The following PAPSS1 variants were observed in gnomAD, a reference collection of about 807,000 sequenced individuals.
PAPSS1 encodes the protein 3'-phosphoadenosine 5'-phosphosulfate synthase 1.
PAPSS1 carries 50 observed loss-of-function variants against 72.0 expected under a neutral mutation model. The observed-to-expected ratio is 0.69, with a 90% CI of 0.55 to 0.88. The LOEUF (loss-of-function observed/expected upper bound fraction) is 0.88, where lower values mean the gene tolerates loss of function less well. PAPSS1 is among the 40% of genes least tolerant of loss of function. PAPSS1 has a pLI of 0.00. For missense variants in PAPSS1, 657 were observed against 782.2 expected (o/e 0.84, Z 1.91); for synonymous variants, 261 against 263.6 (o/e 0.99, Z 0.09).
At position 107,655,043 on chromosome 4, in the gene PAPSS1, C is replaced by A; in HGVS notation, c.896-143G>T. 4 of 470,968 alleles carry A rather than the reference C, an allele frequency of 8.5e-6. No homozygotes were observed. In the South Asian group the frequency reaches 8.7e-5, roughly 10 times the overall value. The allele number at this position is 470,968 out of a possible 1,614,324, so 29.2% of individuals were successfully genotyped here. On this transcript the variant is annotated intron_variant, in intron 7 of 11. Transcript: ENST00000265174. ...GACAGTATTCAACTGGTACCTGGCA[C>A]AGAAAAACGAAAGACAGAACAAGCT... is the stretch of plus-strand genomic sequence containing the variant.
At chr4:107,685,828 A>C (rs1722769122) in intron 4 of PAPSS1, among the ~76,000 whole-genome samples, 1 of 152,214 alleles carries the variant, frequency 6.6e-6, no homozygotes, top group South Asian at 2.1e-4. Context: ...TTTCAGGGCC[A>C]GAAACTGAAT....
intron 1 of PAPSS1, among the ~76,000 whole-genome samples, chr4:107,708,214 C>A (rs977038294): frequency 1.3e-5 from 2 of 152,070 alleles, no homozygotes; most frequent in Non-Finnish European, 2.9e-5. Context: ...CATTTCTTTT[C>A]AATAAACTGA....
intron 10 of PAPSS1, among the ~76,000 whole-genome samples, chr4:107,632,564 C>G (rs1413146521): frequency 3.3e-5 from 5 of 151,278 alleles, no homozygotes; most frequent in Non-Finnish European, 1.5e-5. Context: ...CCAAAACTAG[C>G]CTTGAAGCCT....
At chr4:107,685,548 T>A (rs1429670417) in intron 4 of PAPSS1, among the ~76,000 whole-genome samples, 1 of 152,092 alleles carries the variant, frequency 6.6e-6, no homozygotes, top group Non-Finnish European at 1.5e-5. Flanking sequence ...GCTAAACAGG[T>A]TTTCCTCCAA....
chr4:107,716,991 C>T (rs1723655005), intron 1 of PAPSS1, among the ~76,000 whole-genome samples: 2 of 151,966 alleles, frequency 1.3e-5, no homozygotes, highest in Admixed American at 6.6e-5. Flanking sequence ...TACTTCCAAC[C>T]TCAGCACAAC....
chr4:107,671,894 G>A (rs1394013626), intron 5 of PAPSS1, among the ~76,000 whole-genome samples: 1 of 151,950 alleles, frequency 6.6e-6, no homozygotes, highest in Non-Finnish European at 1.5e-5. Flanking sequence ...ATGGTTGTTT[G>A]TATCCACAAA....
At chr4:107,648,482 C>G (rs981182591) in intron 9 of PAPSS1, among the ~76,000 whole-genome samples, 5 of 152,188 alleles carry the variant, frequency 3.3e-5, no homozygotes, top group African/African-American at 1.2e-4. Context: ...CCTCAGACTT[C>G]CCAGAACTGT....
chr4:107,675,552 C>T (rs1288352338), intron 5 of PAPSS1, among the ~76,000 whole-genome samples: 2 of 152,026 alleles, frequency 1.3e-5, no homozygotes, highest in Non-Finnish European at 2.9e-5. Context: ...AATAACTTAC[C>T]AACCAAAAAA....
intron 3 of PAPSS1, among the ~76,000 whole-genome samples, chr4:107,692,461 CTGT>C (rs1722952523): frequency 6.6e-6 from 1 of 152,108 alleles, no homozygotes; most frequent in African/African-American, 2.4e-5. Context: ...GTCAGAATGG[CTGT>C]TATTAGAAAA....
At chr4:107,669,075 C>T (rs947831359) in intron 5 of PAPSS1, among the ~76,000 whole-genome samples, 1 of 152,136 alleles carries the variant, frequency 6.6e-6, no homozygotes, top group Admixed American at 6.6e-5. Context: ...TATGTGTCCT[C>T]CCATAGCCCA....
chr4:107,645,212 AAAAAAAAAAAGTACTGC>A (rs906612225), intron 9 of PAPSS1, 142 bp from the exon 10 acceptor site: 2 of 551,844 alleles, frequency 3.6e-6, no homozygotes, highest in African/African-American at 3.9e-5. Context: ...TGGTAAAAAA[AAAAAAAAAAAGTACTGC>A]TTTGACCATT....
At chr4:107,706,389 T>C (rs1295392899) in intron 1 of PAPSS1, among the ~76,000 whole-genome samples, 1 of 152,196 alleles carries the variant, frequency 6.6e-6, no homozygotes, top group African/African-American at 2.4e-5. Flanking sequence ...TTTTGCTTGA[T>C]CAGTGCTTCT....
chr4:107,617,258 C>T (rs1220768043), intron 11 of PAPSS1, among the ~76,000 whole-genome samples: 1 of 149,834 alleles, frequency 6.7e-6, no homozygotes, highest in African/African-American at 2.5e-5. Context: ...CTGTACCTGA[C>T]CTACCCCTCT....
intron 1 of PAPSS1, among the ~76,000 whole-genome samples, chr4:107,702,655 C>T (rs1199445283): frequency 1.3e-5 from 2 of 152,142 alleles, no homozygotes; most frequent in Admixed American, 6.6e-5. Flanking sequence ...ATTTTATCAT[C>T]CATGTGGTAA....
rs541020459 is a variant in PAPSS1, at chr4:107,624,576, T to C, written c.1736+7055A>G. On this transcript the variant is annotated intron_variant, in intron 11 of 11. Transcript: ENST00000265174. The stretch of plus-strand genomic sequence containing the variant: ...TTTCAATAGAATATATTGACCTCAA[T>C]ACAAGATCCAGTATATATAAAATAT... Among the ~76,000 whole-genome samples the C allele has an allele frequency of 7.2e-4, 110 of 152,280 alleles. 1 individual carries two copies. Among genetic ancestry groups the C allele is most frequent in the Admixed American group, 5.8e-3 (89 of 15,304 alleles).
At chr4:107,646,172 G>T (rs1726686722) in intron 9 of PAPSS1, among the ~76,000 whole-genome samples, 3 of 151,982 alleles carry the variant, frequency 2.0e-5, no homozygotes, top group African/African-American at 7.3e-5. Flanking sequence ...TTTTGCTTTG[G>T]GATGGGAGGA....
rs201349165 is a variant in PAPSS1 at position 107,660,029 on chromosome 4, T to A, written c.713A>T (p.Tyr238Phe). ...CAAATGAAGTTTATTTTCTGGCACA[T>A]ATAGTTCTTTTACTTCATAAGATGC... is the stretch of plus-strand genomic sequence containing the variant. ...VDASYEVKEL[Y>F]VPENKLHLAK... is the part of the protein sequence containing the mutation. The change falls in exon 6 of 12, where the codon TAT becomes TTT. Residue 238 changes from tyrosine to phenylalanine, a missense_variant. Transcript: ENST00000265174. The A allele has an allele frequency of 9.8e-5, 158 of 1,605,546 alleles. No homozygotes were observed. The highest frequency in any genetic ancestry group is 2.5e-4 in the Admixed American group (15 of 59,200).
rs978801978 is a variant in PAPSS1 at position 107,652,451 on chromosome 4, C to T, written c.1237+1040G>A. 2.0e-5 allele frequency among the ~76,000 whole-genome samples: 3 copies of T among 152,144 alleles called. 1 individual carries two copies. The highest frequency in any genetic ancestry group is 4.4e-5 in the Non-Finnish European group (3 of 68,038). On this transcript the variant is annotated intron_variant, in intron 9 of 11. Coordinates refer to ENST00000265174, the MANE Select transcript of PAPSS1 (RefSeq NM_005443.5). ...TAGCAGGAAATATGATATAAAAATC[C>T]TGTCCTGGAGTGCTTTATAATATAG...
At position 107,653,689 on chromosome 4, in the gene PAPSS1, T is replaced by C. The variant is rs189484612; in HGVS notation, c.1102-63A>G. 6 of 1,407,596 alleles carry C rather than the reference T, an allele frequency of 4.3e-6. No homozygotes were observed. The Admixed American group carries it at 7.6e-5, about 18-fold the overall frequency. 87.2% of individuals were successfully genotyped at this position (1,407,596 alleles called of 1,614,324 possible). A position where few individuals can be genotyped will look rare whatever the true frequency, so the allele number is the denominator to read the frequency against. On this transcript the variant is annotated intron_variant, in intron 8 of 11. Transcript: ENST00000265174. Reference sequence around the variant, plus strand: ...ATCAAAATAAGTAAAAACATTTCTCTCATATAAGCTAAATACAGTCGTTGT... The same window carrying C: ...ATCAAAATAAGTAAAAACATTTCTCCCATATAAGCTAAATACAGTCGTTGT...
Sources: allele counts gnomAD v4.1 joint callset (sites outside exome capture counted in the v4.1 genomes callset), GRCh38; gene constraint gnomAD v4.1.1; transcripts MANE v1.5; gene names NCBI Gene and HGNC (gene_info 2026-07-23, HGNC 2026-07-21).